The following KDM6A variants were observed in gnomAD, a reference collection of about 807,000 sequenced individuals.
KDM6A encodes lysine demethylase 6A.
In KDM6A, 11 loss-of-function variants were observed where a neutral mutation model predicts 117.6. That is an observed-to-expected ratio of 0.09 (90% confidence interval 0.06 to 0.15). The LOEUF (loss-of-function observed/expected upper bound fraction) is 0.15, where lower values mean the gene tolerates loss of function less well. Among genes scored for constraint, KDM6A ranks in the 10% least tolerant of loss-of-function variants. The pLI, the probability that KDM6A is intolerant of heterozygous loss-of-function variation, is 1.00. For synonymous variants in KDM6A, 384 were observed against 396.1 expected, an observed-to-expected ratio of 0.97 and a Z score of 0.36; for missense variants, 799 against 1,077.3, an observed-to-expected ratio of 0.74 and a Z score of 3.62.
chrX:44,892,707 C>T (rs1293891140), intron 2 of KDM6A, among the ~76,000 whole-genome samples: 7 of 101,943 alleles, frequency 6.9e-5, no homozygotes, highest in Admixed American at 6.4e-4. Context: ...AAAACAAAAA[C>T]AAAAAACAAA....
chrX:44,901,152 G>A lies in KDM6A; in HGVS notation c.225+27165G>A, dbSNP rs1236601446. 3.6e-5 allele frequency among the ~76,000 whole-genome samples: 4 copies of A among 111,074 alleles called. No homozygotes were observed. In the Admixed American group the frequency reaches 3.8e-4, roughly 11 times the overall value. On this transcript the variant is annotated intron_variant, in intron 2 of 29. Coordinates refer to ENST00000611820, the MANE Select transcript of KDM6A (RefSeq NM_001291415.2). ...TCCCAGCACTTTGGGAGGCCATGGC[G>A]GGCAGATCACTTGAGGGTCAGGAGT...
chrX:45,046,074 CAG>C (rs1278517993), intron 8 of KDM6A, among the ~76,000 whole-genome samples: 1 of 111,092 alleles, frequency 9.0e-6, no homozygotes, highest in East Asian at 2.8e-4. Flanking sequence ...TATTAACAAA[CAG>C]AATACCTTAT....
At position 45,083,628 on chromosome X, in the gene KDM6A, A is replaced by G. The variant is rs779956691; in HGVS notation, c.3589+20A>G. On this transcript the variant is annotated intron_variant, in intron 24 of 29. Transcript: ENST00000611820. ...CACCAGGTAATTTGTATGAACTAAC[A>G]TATCTTGTTAAAATGGAAAACAAAA... 5.1e-6 allele frequency: 6 copies of G among 1,176,747 alleles called. No homozygotes were observed. Among genetic ancestry groups the G allele is most frequent in the Non-Finnish European group, 5.8e-6 (5 of 865,682 alleles).
chrX:44,930,127 A>G (rs2036542231), intron 2 of KDM6A, among the ~76,000 whole-genome samples: 1 of 111,264 alleles, frequency 9.0e-6, no homozygotes, highest in Non-Finnish European at 1.9e-5. Flanking sequence ...CTATTCAAAT[A>G]TTCTGCTTAC....
At chrX:45,099,070 G>T (rs2046227993) in intron 27 of KDM6A, among the ~76,000 whole-genome samples, 1 of 111,415 alleles carries the variant, frequency 9.0e-6, no homozygotes, top group South Asian at 3.7e-4. Context: ...AGCGGTCTCT[G>T]TATACACATA....
In KDM6A at chrX:45,069,907, T is replaced by A. The variant is rs113891421; in HGVS notation, c.2408T>A (p.Val803Asp). Residue 803 changes from valine to aspartate, a missense_variant, in exon 18 of 30, where the codon GTC becomes GAC. Transcript: ENST00000611820. ...TASVEGLPNH[V>D]HQMTADAVCS... is the part of the protein sequence containing the mutation. ...AGTGTCGAGGGACTTCCTAATCATG[T>A]CCATCAGATGACGGCAGATGCTGTT... 1.7e-6 allele frequency: 2 copies of A among 1,211,494 alleles called. No individual in the cohort carries two copies. Among genetic ancestry groups the A allele is most frequent in the Non-Finnish European group, 2.2e-6 (2 of 895,109 alleles).
intron 4 of KDM6A, among the ~76,000 whole-genome samples, chrX:44,984,268 C>G (rs371909590): frequency 3.6e-5 from 4 of 110,387 alleles, no homozygotes; most frequent in Non-Finnish European, 7.6e-5. Flanking sequence ...GTTTGTTTTT[C>G]TCTTGTAAAT....
chrX:44,956,185 C>G (rs894661389), intron 2 of KDM6A, among the ~76,000 whole-genome samples: 1 of 111,738 alleles, frequency 8.9e-6, no homozygotes, highest in Non-Finnish European at 1.9e-5. Flanking sequence ...TTTCATATGA[C>G]AGTTTCCACA....
At chrX:44,928,247 G>A (rs1237411575) in intron 2 of KDM6A, among the ~76,000 whole-genome samples, 1 of 111,952 alleles carries the variant, frequency 8.9e-6, no homozygotes, top group African/African-American at 3.2e-5. Context: ...CAATGCCCTT[G>A]TTCTTAGGAA....
At chrX:44,910,503 A>T (rs866645220) in intron 2 of KDM6A, among the ~76,000 whole-genome samples, 17 of 90,579 alleles carry the variant, frequency 1.9e-4, no homozygotes, top group Admixed American at 2.6e-4. Context: ...AAGTAGCTTC[A>T]TTTTTTTTTT....
At chrX:45,041,305 AC>A (rs1425888758) in intron 8 of KDM6A, among the ~76,000 whole-genome samples, 2 of 53,144 alleles carry the variant, frequency 3.8e-5, no homozygotes, top group African/African-American at 7.7e-5. Flanking sequence ...CGGGGGGCTG[AC>A]CCCCCCACCT....
At position 44,897,907 on chromosome X, in the gene KDM6A, G is replaced by A. The variant is rs140865068; in HGVS notation, c.225+23920G>A. On this transcript the variant is annotated intron_variant, in intron 2 of 29. Transcript: ENST00000611820. ...TATACTAGGCAGTTCCCTTGTTGAA[G>A]TGTAGTGCAAGGGTTAGGTGGGTGT... is the stretch of plus-strand genomic sequence containing the variant. Among the ~76,000 whole-genome samples the A allele has an allele frequency of 3.9e-4, 44 of 111,426 alleles. No individual in the cohort carries two copies. The East Asian group carries it at 0.012, about 31-fold the overall frequency.
intron 2 of KDM6A, among the ~76,000 whole-genome samples, chrX:44,874,855 AGT>A (rs2031324316): frequency 1.8e-5 from 2 of 111,052 alleles, no homozygotes. Flanking sequence ...TTTCCTTCGG[AGT>A]GTGTAGCTCA....
chrX:44,888,246 G>A (rs1266337354), intron 2 of KDM6A, among the ~76,000 whole-genome samples: 1 of 111,864 alleles, frequency 8.9e-6, no homozygotes, highest in Non-Finnish European at 1.9e-5. Context: ...GGAGGTTGGC[G>A]GTGAGCCGAG....
chrX:45,025,867 C>T (rs1420392023), intron 6 of KDM6A, among the ~76,000 whole-genome samples: 1 of 111,860 alleles, frequency 8.9e-6, no homozygotes, highest in Non-Finnish European at 1.9e-5. Flanking sequence ...CAATTTAAGT[C>T]CCCTTTTATA....
Position 45,020,868 on chromosome X carries a change from C to G in KDM6A, c.564+138C>G, listed in dbSNP as rs748585765. On this transcript the variant is annotated intron_variant, in intron 6 of 29. Transcript: ENST00000611820. Reference sequence around the variant, plus strand: ...AAAGAAAATTTGAAAATTCAGGTGACAGAACTGTTTATCAACTGTGAAGTA... The same window carrying G: ...AAAGAAAATTTGAAAATTCAGGTGAGAGAACTGTTTATCAACTGTGAAGTA... 1 of 656,133 alleles carries G rather than the reference C, an allele frequency of 1.5e-6. No individual in the cohort carries two copies. The highest frequency in any genetic ancestry group is 2.2e-5 in the African/African-American group (1 of 45,405). The allele number at this position is 656,133 out of a possible 1,213,427, so 54.1% of individuals were successfully genotyped here. A position where few individuals can be genotyped will look rare whatever the true frequency, so the allele number is the denominator to read the frequency against.
chrX:45,011,478 C>T (rs1277313617), intron 5 of KDM6A, among the ~76,000 whole-genome samples: 1 of 111,565 alleles, frequency 9.0e-6, no homozygotes, highest in Non-Finnish European at 1.9e-5. Flanking sequence ...TAGGCACCAA[C>T]TCATAAACTC....
At chrX:44,984,640 T>G (rs1490840023) in intron 4 of KDM6A, among the ~76,000 whole-genome samples, 1 of 111,761 alleles carries the variant, frequency 8.9e-6, no homozygotes, top group Non-Finnish European at 1.9e-5. Flanking sequence ...GGCTAGCCAG[T>G]TTTCCCAGCA....
At chrX:44,909,102 C>T (rs1035008152) in intron 2 of KDM6A, among the ~76,000 whole-genome samples, 3 of 111,546 alleles carry the variant, frequency 2.7e-5, no homozygotes, top group Non-Finnish European at 5.7e-5. Flanking sequence ...ATAGTTAATA[C>T]CTTTATCTTC....
Sources: allele counts gnomAD v4.1 joint callset (sites outside exome capture counted in the v4.1 genomes callset), GRCh38; gene constraint gnomAD v4.1.1; transcripts MANE v1.5; gene names NCBI Gene and HGNC (gene_info 2026-07-23, HGNC 2026-07-21).